The following FOXP2 variants were observed in gnomAD, a reference collection of about 807,000 sequenced individuals.
FOXP2 encodes forkhead box protein P2.
Under a neutral mutation model 115.8 loss-of-function variants are expected in FOXP2, and 12 were observed. That is an observed-to-expected ratio of 0.10 (90% CI 0.07 to 0.17). FOXP2 has a LOEUF of 0.17. Among genes scored for constraint, FOXP2 ranks in the 10% least tolerant of loss-of-function variants. FOXP2 has a pLI of 1.00. For missense variants in FOXP2, 629 were observed against 843.5 expected (o/e 0.75, Z 3.15); for synonymous variants, 328 against 297.7 (o/e 1.10, Z -1.05).
intron 3 of FOXP2, among the ~76,000 whole-genome samples, chr7:114,551,718 A>G (rs1399751960): frequency 6.6e-6 from 1 of 152,198 alleles, no homozygotes; most frequent in Admixed American, 6.5e-5. Context: ...AAAATGTAGA[A>G]AAGTATTTTA....
chr7:114,549,732 T>C (rs934685702), intron 3 of FOXP2, among the ~76,000 whole-genome samples: 1 of 152,190 alleles, frequency 6.6e-6, no homozygotes, highest in Admixed American at 6.5e-5. Context: ...ACTTAGTCCA[T>C]CTTTTTTAAA....
intron 2 of FOXP2, among the ~76,000 whole-genome samples, chr7:114,467,667 A>G (rs938211344): frequency 1.3e-5 from 2 of 152,188 alleles, no homozygotes; most frequent in East Asian, 1.9e-4. Context: ...TATTATAGTT[A>G]GTACACTTTG....
intron 10 of FOXP2, 100 bp downstream of exon 10, chr7:114,654,109 G>A (rs1230890880): frequency 1.3e-6 from 2 of 1,594,622 alleles, no homozygotes; most frequent in Non-Finnish European, 1.7e-6. Context: ...TGAGTGTGAT[G>A]AAAAATACGG....
intron 3 of FOXP2, among the ~76,000 whole-genome samples, chr7:114,584,848 A>G (rs1029955078): frequency 2.0e-5 from 3 of 152,170 alleles, no homozygotes; most frequent in African/African-American, 4.8e-5. Context: ...TCTTTGCTAG[A>G]TTATTACATT....
At position 114,506,964 on chromosome 7, in the gene FOXP2, A is replaced by G. The variant is rs372121527; in HGVS notation, c.169-27653A>G. Among the ~76,000 whole-genome samples the G allele has an allele frequency of 7.9e-5, 12 of 151,924 alleles. No individual in the cohort carries two copies. In the East Asian group the frequency reaches 2.3e-3, roughly 29 times the overall value. On this transcript the variant is annotated intron_variant, in intron 2 of 16. Transcript: ENST00000350908. ...TTCGTAGAATATTGAATTATTTTTC[A>G]TATCAGGCCTTTAAAAGTAAAAAGA...
intron 3 of FOXP2, among the ~76,000 whole-genome samples, chr7:114,557,401 C>T (rs902051156): frequency 6.6e-6 from 1 of 152,038 alleles, no homozygotes; most frequent in Admixed American, 6.6e-5. Context: ...GTCTGAAAAT[C>T]GCATTAAGAC....
At chr7:114,087,365 G>C (rs112773010), upstream of FOXP2, among the ~76,000 whole-genome samples, 322 of 152,218 alleles carry the variant, frequency 2.1e-3, no homozygotes, top group African/African-American at 7.4e-3. Context: ...TAGCACGACC[G>C]GCTTCCCCCG....
intron 2 of FOXP2, among the ~76,000 whole-genome samples, chr7:114,324,796 G>A (rs990246628): frequency 1.3e-5 from 2 of 151,780 alleles, no homozygotes; most frequent in African/African-American, 4.8e-5. Flanking sequence ...CTGTTTATCA[G>A]TGCTAGTACT....
chr7:114,375,994 G>C (rs745535535), intron 2 of FOXP2, among the ~76,000 whole-genome samples: 3 of 152,168 alleles, frequency 2.0e-5, no homozygotes, highest in East Asian at 1.9e-4. Flanking sequence ...GACATAATCT[G>C]TCAAAGTGGA....
At chr7:114,688,208 TACACACACACACACACAC>T (rs56751704) in intron 16 of FOXP2, among the ~76,000 whole-genome samples, 1 of 115,334 alleles carries the variant, frequency 8.7e-6, no homozygotes, top group Non-Finnish European at 1.7e-5. Context: ...CATACATGCA[TACACACACACACACACAC>T]ACACACACAC....
At chr7:114,343,904 A>G (rs1791272575) in intron 2 of FOXP2, among the ~76,000 whole-genome samples, 1 of 151,602 alleles carries the variant, frequency 6.6e-6, no homozygotes, top group South Asian at 2.1e-4. Flanking sequence ...TTACTCATTT[A>G]TGATGTTTAT....
At chr7:114,355,066 G>A (rs545212136) in intron 2 of FOXP2, among the ~76,000 whole-genome samples, 1 of 152,224 alleles carries the variant, frequency 6.6e-6, no homozygotes, top group South Asian at 2.1e-4. Flanking sequence ...GTTCTGTGGT[G>A]ATAGAGTATT....
chr7:114,451,302 T>C (rs1277394173), intron 2 of FOXP2, among the ~76,000 whole-genome samples: 2 of 152,056 alleles, frequency 1.3e-5, no homozygotes, highest in Non-Finnish European at 2.9e-5. Flanking sequence ...AGAGCAAATA[T>C]ATTGGTGTTA....
chr7:114,303,114 T>C (rs2129178651), intron 2 of FOXP2, among the ~76,000 whole-genome samples: 1 of 152,300 alleles, frequency 6.6e-6, no homozygotes, highest in African/African-American at 2.4e-5. Flanking sequence ...ATCAAGTTAG[T>C]CATAATTTGT....
At chr7:114,295,259 T>C (rs562558684) in intron 2 of FOXP2, among the ~76,000 whole-genome samples, 3 of 152,318 alleles carry the variant, frequency 2.0e-5, no homozygotes, top group African/African-American at 7.2e-5. Flanking sequence ...ATATCAAGTA[T>C]GAACCAGCAT....
intron 1 of FOXP2, among the ~76,000 whole-genome samples, chr7:114,263,787 A>T (rs1245366796): frequency 6.6e-6 from 1 of 151,354 alleles, no homozygotes; most frequent in East Asian, 2.0e-4. Context: ...CAGGCATTTT[A>T]AAGGAACCAT....
intron 2 of FOXP2, among the ~76,000 whole-genome samples, chr7:114,514,790 A>G (rs1030794631): frequency 2.0e-5 from 3 of 151,666 alleles, no homozygotes; most frequent in African/African-American, 7.3e-5. Context: ...ATATGTATAC[A>G]TGTGCCATGC....
intron 3 of FOXP2, among the ~76,000 whole-genome samples, chr7:114,595,503 T>A (rs916430066): frequency 6.6e-6 from 1 of 152,090 alleles, no homozygotes; most frequent in African/African-American, 2.4e-5. Flanking sequence ...TTCTGAAAGA[T>A]GTTTATGATA....
At chr7:114,105,135 A>G (rs1457936112) in intron 1 of FOXP2, among the ~76,000 whole-genome samples, 1 of 152,026 alleles carries the variant, frequency 6.6e-6, no homozygotes, top group East Asian at 1.9e-4. Context: ...GAGAGAAATG[A>G]TGAGATAGTC....
Sources: allele counts gnomAD v4.1 joint callset (sites outside exome capture counted in the v4.1 genomes callset), GRCh38; gene constraint gnomAD v4.1.1; transcripts MANE v1.5; gene names NCBI Gene and HGNC (gene_info 2026-07-23, HGNC 2026-07-21).